LTBP1: variants seen among roughly 807,000 people sequenced by gnomAD.
LTBP1 encodes latent transforming growth factor beta binding protein 1.
In LTBP1, 129 loss-of-function variants were observed where a neutral mutation model predicts 207.6. The ratio of observed to expected loss-of-function variants is 0.62; its 90% CI spans 0.54 to 0.72. LTBP1 has a LOEUF of 0.72. LTBP1 is among the 30% of genes least tolerant of loss of function. The pLI is 0.00. For synonymous variants in LTBP1, 963 were observed against 833.7 expected (o/e 1.16, Z -2.67); for missense variants, 2,281 against 2,217.2 (o/e 1.03, Z -0.58).
chr2:33,160,692 C>T (rs532260657), intron 5 of LTBP1, among the ~76,000 whole-genome samples: 87 of 152,188 alleles, frequency 5.7e-4, no homozygotes, highest in African/African-American at 1.8e-3. Flanking sequence ...ATTTGGGCCT[C>T]GTGATTAGTT....
chr2:33,366,736 G>T (rs747011466), intron 31 of LTBP1, among the ~76,000 whole-genome samples: 1 of 152,216 alleles, frequency 6.6e-6, no homozygotes, highest in African/African-American at 2.4e-5. Flanking sequence ...GGGCTGGGAG[G>T]ATGTAGGTAG....
chr2:33,383,884 T>C (rs1249809861), intron 31 of LTBP1, among the ~76,000 whole-genome samples: 1 of 152,260 alleles, frequency 6.6e-6, no homozygotes, highest in Admixed American at 6.5e-5. Context: ...GTTTCTCTTA[T>C]ATTTGAAAAT....
intron 7 of LTBP1, among the ~76,000 whole-genome samples, chr2:33,189,861 A>G (rs2087648718): frequency 3.4e-5 from 1 of 29,056 alleles, no homozygotes; most frequent in African/African-American, 1.4e-4. Flanking sequence ...CCCCGTCTCT[A>G]CTAAAAATAC....
intron 24 of LTBP1, among the ~76,000 whole-genome samples, chr2:33,320,580 C>T (rs151060660): frequency 7.2e-5 from 11 of 152,198 alleles, no homozygotes; most frequent in Admixed American, 2.0e-4. Flanking sequence ...CTGTCATGTT[C>T]AAACTGGTCT....
At chr2:33,108,030 T>G (rs758486625) in intron 3 of LTBP1, among the ~76,000 whole-genome samples, 5 of 152,354 alleles carry the variant, frequency 3.3e-5, no homozygotes, top group South Asian at 4.1e-4. Context: ...TTTGTAAGAC[T>G]GCAACGTGGT....
chr2:33,363,176 C>G (rs565785259), intron 28 of LTBP1, among the ~76,000 whole-genome samples: 1 of 152,278 alleles, frequency 6.6e-6, no homozygotes, highest in African/African-American at 2.4e-5. Context: ...TTGGGCATTG[C>G]TTCTCAAATA....
chr2:33,101,200 C>T (rs2079713169), intron 3 of LTBP1, among the ~76,000 whole-genome samples: 1 of 152,126 alleles, frequency 6.6e-6, no homozygotes, highest in Non-Finnish European at 1.5e-5. Flanking sequence ...CCTAGGATTG[C>T]TGAATGGGGC....
At chr2:33,183,664 T>C (rs1252323931) in intron 5 of LTBP1, among the ~76,000 whole-genome samples, 2 of 152,192 alleles carry the variant, frequency 1.3e-5, no homozygotes, top group Non-Finnish European at 2.9e-5. Flanking sequence ...TATAAATTCT[T>C]TGTAGTACAT....
rs530332199 is a variant in LTBP1 at position 33,006,720 on chromosome 2, T to C, written c.566-14189T>C. Among the ~76,000 whole-genome samples the C allele has an allele frequency of 3.4e-4, 52 of 151,780 alleles. 1 individual carries two copies. The highest frequency in any genetic ancestry group is 6.5e-4 in the Non-Finnish European group (44 of 67,964). On this transcript the variant is annotated intron_variant, in intron 2 of 33. Coordinates refer to ENST00000404816, the MANE Select transcript of LTBP1 (RefSeq NM_206943.4). ...CTGAACATTTTTAAATTTTATATGT[T>C]ACTGCTTGGAAAACAGAGCTTTGCT...
At chr2:33,266,950 C>T (rs1308220161) in intron 15 of LTBP1, among the ~76,000 whole-genome samples, 1 of 152,222 alleles carries the variant, frequency 6.6e-6, no homozygotes, top group Non-Finnish European at 1.5e-5. Context: ...GGAAGAAGAG[C>T]TGTGGCCCTT....
At chr2:33,252,573 G>A in intron 10 of LTBP1, 104 bp from the exon 11 acceptor site, 2 of 1,020,266 alleles carry the variant, frequency 2.0e-6, no homozygotes, top group Non-Finnish European at 2.8e-6. Flanking sequence ...TTATCCTGAA[G>A]TGTGGTTTTT....
chr2:33,164,350 A>AG (rs1456724774), intron 5 of LTBP1, among the ~76,000 whole-genome samples: 12 of 121,788 alleles, frequency 9.9e-5, no homozygotes, highest in South Asian at 3.0e-4. Context: ...ACTTCCTCTC[A>AG]GGAAAAAAAA....
chr2:33,178,665 C>T (rs932483060), intron 5 of LTBP1, among the ~76,000 whole-genome samples: 8 of 152,094 alleles, frequency 5.3e-5, no homozygotes, highest in African/African-American at 1.9e-4. Flanking sequence ...TATTAATTTT[C>T]AAAGCAGGTA....
At chr2:33,285,124 C>G (rs2093638951) in intron 19 of LTBP1, among the ~76,000 whole-genome samples, 3 of 150,668 alleles carry the variant, frequency 2.0e-5, no homozygotes, top group Admixed American at 6.6e-5. Context: ...TCACTGCAAC[C>G]TCCGCCTCCA....
intron 3 of LTBP1, among the ~76,000 whole-genome samples, chr2:33,105,679 C>T (rs142868025): frequency 1.3e-5 from 2 of 152,212 alleles, no homozygotes; most frequent in Admixed American, 6.5e-5. Flanking sequence ...GTGATCCACC[C>T]GCTTCGGCCT....
chr2:33,227,740 A>G (rs550854018), intron 9 of LTBP1, among the ~76,000 whole-genome samples: 1 of 152,146 alleles, frequency 6.6e-6, no homozygotes, highest in Non-Finnish European at 1.5e-5. Context: ...CAATTTTTAA[A>G]AAATAGATTT....
At chr2:33,357,789 C>A (rs1349553125) in intron 26 of LTBP1, among the ~76,000 whole-genome samples, 2 of 152,156 alleles carry the variant, frequency 1.3e-5, no homozygotes, top group African/African-American at 4.8e-5. Context: ...AAGTCTGTGG[C>A]ATGAGATATG....
chr2:32,989,416 G>A (rs935362778), intron 2 of LTBP1, among the ~76,000 whole-genome samples: 2 of 152,210 alleles, frequency 1.3e-5, no homozygotes, highest in African/African-American at 2.4e-5. Context: ...CTTACATGGT[G>A]TATATTACTC....
intron 24 of LTBP1, among the ~76,000 whole-genome samples, chr2:33,331,447 T>G (rs6735677): frequency 1.3e-5 from 2 of 151,972 alleles, no homozygotes; most frequent in African/African-American, 4.8e-5. Flanking sequence ...CTAAAGTTCA[T>G]TGTCATTTTT....
Sources: allele counts gnomAD v4.1 joint callset (sites outside exome capture counted in the v4.1 genomes callset), GRCh38; gene constraint gnomAD v4.1.1; transcripts MANE v1.5; gene names NCBI Gene and HGNC (gene_info 2026-07-23, HGNC 2026-07-21).